DOCK5: variants seen among roughly 807,000 people sequenced by gnomAD.
DOCK5 encodes dedicator of cytokinesis protein 5.
In DOCK5, 142 loss-of-function variants were observed where a neutral mutation model predicts 251.8. The observed-to-expected ratio is 0.56, with a 90% confidence interval of 0.49 to 0.65. DOCK5 has a LOEUF of 0.65. DOCK5 is among the 30% of genes least tolerant of loss of function. The pLI, the probability that DOCK5 is intolerant of heterozygous loss-of-function variation, is 0.00. For synonymous variants in DOCK5, 842 were observed against 835.5 expected, an observed-to-expected ratio of 1.01 and a Z score of -0.13; for missense variants, 2,111 against 2,312.3, an observed-to-expected ratio of 0.91 and a Z score of 1.79.
intron 2 of DOCK5, among the ~76,000 whole-genome samples, chr8:25,251,414 A>G (rs1468046753): frequency 1.3e-5 from 2 of 152,168 alleles, no homozygotes; most frequent in Non-Finnish European, 2.9e-5. Flanking sequence ...AAACAAAAAG[A>G]AGGGTTTGTA....
At position 25,222,777 on chromosome 8, in the gene DOCK5, T is replaced by C. The variant is rs578137339; in HGVS notation, c.44-20897T>C. Among the ~76,000 whole-genome samples the C allele has an allele frequency of 5.3e-5, 8 of 152,336 alleles. No individual in the cohort carries two copies. In the South Asian group the frequency reaches 1.0e-3, roughly 20 times the overall value. On this transcript the variant is annotated intron_variant, in intron 1 of 51. Coordinates refer to ENST00000276440, the MANE Select transcript of DOCK5 (RefSeq NM_024940.8). ...CCATGGCAGCTCAATGAGACCTTCA[T>C]AGAGGCTGTCGGTCCTCAGCATTTC...
At chr8:25,397,350 T>C (rs1440346503) in intron 45 of DOCK5, among the ~76,000 whole-genome samples, 1 of 152,098 alleles carries the variant, frequency 6.6e-6, no homozygotes, top group East Asian at 1.9e-4. Context: ...GCTTCACCAG[T>C]GTTGGTTTTC....
intron 1 of DOCK5, among the ~76,000 whole-genome samples, chr8:25,225,680 T>C (rs2117508097): frequency 6.9e-6 from 1 of 145,844 alleles, no homozygotes; most frequent in South Asian, 2.2e-4. Context: ...CACTCTGGCC[T>C]GGGCGACAGA....
intron 1 of DOCK5, among the ~76,000 whole-genome samples, chr8:25,229,835 T>C (rs1446282386): frequency 6.6e-6 from 1 of 152,200 alleles, no homozygotes; most frequent in African/African-American, 2.4e-5. Context: ...CTCCACTGTT[T>C]TTATTGTTCA....
At chr8:25,311,782 C>T (rs546085339) in intron 13 of DOCK5, among the ~76,000 whole-genome samples, 5 of 146,536 alleles carry the variant, frequency 3.4e-5, no homozygotes, top group South Asian at 4.4e-4. Context: ...ATTAGCTGGG[C>T]GTGGTGGCTG....
At chr8:25,249,298 G>C (rs911214067) in intron 2 of DOCK5, among the ~76,000 whole-genome samples, 3 of 152,174 alleles carry the variant, frequency 2.0e-5, no homozygotes, top group African/African-American at 7.2e-5. Flanking sequence ...ATCGTGCCTG[G>C]CCTTGTGGGT....
At chr8:25,340,596 C>T (rs1805928003) in intron 22 of DOCK5, among the ~76,000 whole-genome samples, 1 of 152,152 alleles carries the variant, frequency 6.6e-6, no homozygotes, top group African/African-American at 2.4e-5. Flanking sequence ...GGGTCTTGTC[C>T]TGGAAGGCCC....
intron 5 of DOCK5, among the ~76,000 whole-genome samples, chr8:25,286,117 G>A (rs1402373614): frequency 6.6e-6 from 1 of 152,182 alleles, no homozygotes; most frequent in Admixed American, 6.6e-5. Context: ...GTTTGGGGCA[G>A]TGGGAATTCT....
At chr8:25,320,702 C>G (rs572475121) in intron 15 of DOCK5, among the ~76,000 whole-genome samples, 2 of 152,302 alleles carry the variant, frequency 1.3e-5, no homozygotes, top group Admixed American at 1.3e-4. Context: ...CCTCAAAATA[C>G]CAGTATTTCC....
At chr8:25,377,471 G>T (rs377430175) in intron 38 of DOCK5, 47 bp downstream of exon 38, 2 of 1,580,900 alleles carry the variant, frequency 1.3e-6, no homozygotes, top group Non-Finnish European at 1.7e-6. Context: ...GAAAATGACC[G>T]CAGTATCGCA....
intron 24 of DOCK5, 60 bp downstream of exon 24, chr8:25,341,869 C>T (rs1805964198): frequency 7.3e-7 from 1 of 1,373,726 alleles, no homozygotes; most frequent in African/African-American, 1.5e-5. Context: ...CCCTGCTTGG[C>T]TGGAGCCTGG....
rs773376997 is a variant in DOCK5 at position 25,332,366 on chromosome 8, T to C, written c.2001+18T>C. The C allele has an allele frequency of 1.3e-6, 2 of 1,587,794 alleles. No homozygotes were observed. The highest frequency in any genetic ancestry group is 2.2e-5 in the East Asian group (1 of 44,674). Reference sequence around the variant, plus strand: ...TTGTTAAGGTATGTTTATATATTCATAGTTAGAAATACACATACCTACATA... The same window carrying C: ...TTGTTAAGGTATGTTTATATATTCACAGTTAGAAATACACATACCTACATA... On this transcript the variant is annotated intron_variant, in intron 19 of 51. Transcript: ENST00000276440.
intron 1 of DOCK5, among the ~76,000 whole-genome samples, chr8:25,223,297 C>T (rs1167434754): frequency 2.6e-5 from 4 of 152,184 alleles, no homozygotes; most frequent in Admixed American, 6.5e-5. Context: ...CAAGCTACCA[C>T]ATCCAGCCAG....
At chr8:25,343,201 G>T (rs1406379268) in intron 25 of DOCK5, among the ~76,000 whole-genome samples, 1 of 151,608 alleles carries the variant, frequency 6.6e-6, no homozygotes, top group African/African-American at 2.4e-5. Context: ...GAGAGGGGGG[G>T]TTTCACAATG....
Position 25,292,025 on chromosome 8 carries a change from A to T in DOCK5, c.323A>T (p.Asn108Ile), listed in dbSNP as rs533562468. The T allele has an allele frequency of 5.4e-5, 86 of 1,585,630 alleles. 2 individuals are homozygous for T. In the South Asian group the frequency reaches 9.5e-4, roughly 18 times the overall value. ...CTTCATCATATTTTCTCATCTTAGAACAACAAGCTCACCCTCTTCCGCCAG... is the reference window on the plus strand; with the variant it reads ...CTTCATCATATTTTCTCATCTTAGATCAACAAGCTCACCCTCTTCCGCCAG... Reference protein sequence around the residue: ...WAVIWRKLYVNNKLTLFRQLQ... With the variant: ...WAVIWRKLYVINKLTLFRQLQ... Residue 108 changes from asparagine to isoleucine, a missense_variant and splice_region_variant, in exon 6 of 52, where the codon AAC becomes ATC. By Grantham distance (149) the Asn-to-Ile change is moderately radical. Transcript: ENST00000276440.
At chr8:25,379,059 A>G (rs1334912604) in intron 38 of DOCK5, among the ~76,000 whole-genome samples, 1 of 152,220 alleles carries the variant, frequency 6.6e-6, no homozygotes, top group Non-Finnish European at 1.5e-5. Context: ...CAAAGATCAC[A>G]TGCTTCTGAG....
chr8:25,328,471 G>A (rs932385971), intron 18 of DOCK5, among the ~76,000 whole-genome samples: 1 of 152,172 alleles, frequency 6.6e-6, no homozygotes, highest in African/African-American at 2.4e-5. Context: ...CTTCTGACTT[G>A]ATGGAAATTA....
chr8:25,408,109 C>A lies in DOCK5; in HGVS notation c.5220C>A (p.Ser1740Arg). The change falls in exon 49 of 52, where the codon AGC (serine) becomes AGA (arginine). Residue 1740 changes from serine (S) to arginine (R), a missense_variant. Physicochemically the swap from Ser to Arg is moderately radical, Grantham distance 110. Coordinates refer to ENST00000276440, the MANE Select transcript of DOCK5 (RefSeq NM_024940.8). ...SKFKRKDWSL[S>R]KSQVIAEKAP... Reference sequence around the variant, plus strand: ...TTAAGAGAAAAGACTGGAGTCTGAGCAAGTCCCAGGTCATTGCAGAGAAAG... The same window carrying A: ...TTAAGAGAAAAGACTGGAGTCTGAGAAAGTCCCAGGTCATTGCAGAGAAAG... The A allele has an allele frequency of 6.3e-7, 1 of 1,599,366 alleles. No individual in the cohort carries two copies. Among genetic ancestry groups the A allele is most frequent in the Admixed American group, 1.7e-5 (1 of 57,430 alleles).
intron 34 of DOCK5, among the ~76,000 whole-genome samples, chr8:25,371,712 CT>C: frequency 6.6e-6 from 1 of 152,164 alleles, no homozygotes; most frequent in Non-Finnish European, 1.5e-5. Flanking sequence ...TGATATGCTA[CT>C]TTTTTAAATC....
Sources: gnomAD v4.1 joint callset for allele counts (sites outside exome capture counted in the v4.1 genomes callset) on GRCh38, gnomAD v4.1.1 for gene constraint, MANE v1.5 for transcripts, NCBI Gene and HGNC (gene_info 2026-07-23, HGNC 2026-07-21) for gene names.